The following RUNX1T1 variants were observed in gnomAD, a reference collection of about 807,000 sequenced individuals.
RUNX1T1 encodes protein CBFA2T1.
In RUNX1T1, 4 loss-of-function variants were observed where a neutral mutation model predicts 62.8. That is an observed-to-expected ratio of 0.06 (90% CI 0.03 to 0.15). The LOEUF (loss-of-function observed/expected upper bound fraction) is 0.15, where lower values mean the gene tolerates loss of function less well. RUNX1T1 is among the 10% of genes least tolerant of loss of function. The pLI is 1.00. For missense variants in RUNX1T1, 508 were observed against 754.3 expected (o/e 0.67, Z 3.82); for synonymous variants, 291 against 286.0 (o/e 1.02, Z -0.18).
chr8:91,988,324 T>C (rs1461278283), intron 6 of RUNX1T1, among the ~76,000 whole-genome samples: 1 of 152,114 alleles, frequency 6.6e-6, no homozygotes, highest in Non-Finnish European at 1.5e-5. Flanking sequence ...CTGAGATATA[T>C]TTTAAAAGTT....
chr8:92,007,393 G>A (rs1820993907), intron 4 of RUNX1T1, among the ~76,000 whole-genome samples: 1 of 152,012 alleles, frequency 6.6e-6, no homozygotes, highest in Non-Finnish European at 1.5e-5. Flanking sequence ...CTTGAAACCA[G>A]GAGATGGAGG....
upstream of RUNX1T1, among the ~76,000 whole-genome samples, chr8:92,064,356 A>G (rs1327451090): frequency 6.6e-6 from 1 of 152,192 alleles, no homozygotes; most frequent in Non-Finnish European, 1.5e-5. Context: ...CACTAATAGT[A>G]TACTGCACCC....
chr8:92,070,061 A>AC (rs1404211232), intron 2 of RUNX1T1, among the ~76,000 whole-genome samples: 8 of 152,120 alleles, frequency 5.3e-5, no homozygotes, highest in Non-Finnish European at 8.8e-5. Context: ...CTTACTGAGC[A>AC]CCCTCAGTGC....
At chr8:91,970,395 A>G (rs1199068180) in intron 10 of RUNX1T1, among the ~76,000 whole-genome samples, 1 of 152,192 alleles carries the variant, frequency 6.6e-6, no homozygotes, top group African/African-American at 2.4e-5. Flanking sequence ...ATGAGTCTCT[A>G]AATAATGCTG....
At chr8:92,084,546 C>A (rs543242509) in intron 1 of RUNX1T1, among the ~76,000 whole-genome samples, 1 of 152,300 alleles carries the variant, frequency 6.6e-6, no homozygotes, top group East Asian at 1.9e-4. Context: ...CATGAGCTCT[C>A]AATAATTATT....
chr8:91,997,677 G>A (rs978966543), intron 5 of RUNX1T1, among the ~76,000 whole-genome samples: 1 of 151,918 alleles, frequency 6.6e-6, no homozygotes, highest in South Asian at 2.1e-4. Context: ...TCTCTATACG[G>A]GTCCCTCCTT....
chr8:91,956,470 C>T (rs2130333603), downstream of RUNX1T1: 1 of 227,352 alleles, frequency 4.4e-6, no homozygotes, highest in East Asian at 6.3e-5. Context: ...AACCATGGCA[C>T]ACCGGGGACG....
exon 11 of RUNX1T1, chr8:91,960,240 G>T (rs752669351): frequency 1.9e-6 from 3 of 1,606,914 alleles, no homozygotes; most frequent in South Asian, 1.1e-5. Flanking sequence ...CTGAGTTCAC[G>T]TCTAGCGAGG....
At chr8:92,035,770 CATATATATAT>C (rs10608050) in intron 1 of RUNX1T1, among the ~76,000 whole-genome samples, 34 of 148,978 alleles carry the variant, frequency 2.3e-4, no homozygotes. Flanking sequence ...GAAATATCTG[CATATATATAT>C]ATATATATTC....
intron 1 of RUNX1T1, among the ~76,000 whole-genome samples, chr8:92,054,272 G>A (rs1424930480): frequency 5.9e-5 from 9 of 152,080 alleles, no homozygotes. Flanking sequence ...TAGAGAAGGG[G>A]TAAACCGCTG....
intron 5 of RUNX1T1, among the ~76,000 whole-genome samples, chr8:92,001,388 G>T (rs1819729081): frequency 6.6e-6 from 1 of 152,036 alleles, no homozygotes; most frequent in Non-Finnish European, 1.5e-5. Flanking sequence ...AAAAGAATGG[G>T]GCCTGGTGTA....
intron 1 of RUNX1T1, among the ~76,000 whole-genome samples, chr8:92,032,349 C>A (rs529607837): frequency 2.6e-5 from 4 of 152,032 alleles, no homozygotes; most frequent in Admixed American, 6.5e-5. Flanking sequence ...AAAATAAACC[C>A]GTCTCATGCC....
At chr8:92,061,261 G>T (rs1464856723) in intron 1 of RUNX1T1, among the ~76,000 whole-genome samples, 1 of 152,066 alleles carries the variant, frequency 6.6e-6, no homozygotes, top group Non-Finnish European at 1.5e-5. Flanking sequence ...GCATAAAAAA[G>T]ATCTGAATTA....
chr8:91,975,812 G>C, intron 9 of RUNX1T1, 93 bp downstream of exon 10: 4 of 792,748 alleles, frequency 5.0e-6, no homozygotes, highest in Non-Finnish European at 6.5e-6. Context: ...GTTGTTAGCA[G>C]TAAAGTCCTT....
At chr8:92,102,786 A>G (rs1838098759), upstream of RUNX1T1, 3 of 1,407,374 alleles carry the variant, frequency 2.1e-6, no homozygotes. This position sits in a 1 kb window ranked among gnomAD's most constrained non-coding sequence, Gnocchi z 4.5. Context: ...TCATCGGAAC[A>G]GTAATTAATA....
chr8:91,998,911 T>C (rs775419264), intron 5 of RUNX1T1, among the ~76,000 whole-genome samples: 1 of 152,200 alleles, frequency 6.6e-6, no homozygotes, highest in African/African-American at 2.4e-5. Context: ...AAAATAAAGA[T>C]GCCTGGAAGA....
chr8:92,059,881 C>T (rs182823278), intron 1 of RUNX1T1, among the ~76,000 whole-genome samples: 1 of 152,150 alleles, frequency 6.6e-6, no homozygotes, highest in East Asian at 1.9e-4. Flanking sequence ...AGAGCAGGAC[C>T]ATTGAGAAAG....
chr8:92,098,497 C>G lies in RUNX1T1; in HGVS notation c.-86+1083G>C, dbSNP rs376307393. 3.9e-5 allele frequency among the ~76,000 whole-genome samples: 6 copies of G among 152,158 alleles called. No individual in the cohort carries two copies. The East Asian group carries it at 1.2e-3, about 29-fold the overall frequency. ...CTTTATACAGCACATTTCTAAATTGCACACTGAACCTCACTGCTGCTCACT... is the reference window on the plus strand; with the variant it reads ...CTTTATACAGCACATTTCTAAATTGGACACTGAACCTCACTGCTGCTCACT... On this transcript the variant is annotated intron_variant, in intron 1 of 11. Coordinates refer to the RUNX1T1 transcript ENST00000265814.
chr8:92,052,825 C>T (rs951782566), intron 1 of RUNX1T1, among the ~76,000 whole-genome samples: 7 of 152,162 alleles, frequency 4.6e-5, no homozygotes, highest in Admixed American at 2.0e-4. Context: ...CGTGGCTACA[C>T]CATCCTGTAC....
Sources: gnomAD v4.1 joint callset for allele counts (sites outside exome capture counted in the v4.1 genomes callset) on GRCh38, gnomAD v4.1.1 for gene constraint, Gnocchi (gnomAD v3.1) non-coding constraint, MANE v1.5 for transcripts, NCBI Gene and HGNC (gene_info 2026-07-23, HGNC 2026-07-21) for gene names.